The following RIPK2 variants were observed in gnomAD, a reference collection of about 807,000 sequenced individuals.
RIPK2 encodes the protein receptor interacting serine/threonine kinase 2.
Under a neutral mutation model 60.9 loss-of-function variants are expected in RIPK2, and 38 were observed. The observed-to-expected ratio is 0.62, with a 90% CI of 0.48 to 0.82. RIPK2 has a LOEUF of 0.82. Among genes scored for constraint, RIPK2 ranks in the 40% least tolerant of loss-of-function variants. The pLI is 0.00. For missense variants in RIPK2, 518 were observed against 647.0 expected (o/e 0.80, Z 2.16); for synonymous variants, 225 against 223.4 (o/e 1.01, Z -0.06).
At chr8:89,772,230 A>C (rs1809326165) in intron 5 of RIPK2, among the ~76,000 whole-genome samples, 2 of 152,044 alleles carry the variant, frequency 1.3e-5, no homozygotes, top group Admixed American at 1.3e-4. Context: ...TGTCCTTTTT[A>C]TTCCCTGAAA....
chr8:89,784,141 TAAA>T lies in RIPK2; in HGVS notation c.1029+23_1029+25del, dbSNP rs71268283. On this transcript the variant is annotated splice_donor_5th_base_variant and intron_variant, in intron 8 of 10. Transcript: ENST00000220751. ...CCTGTAAATCATGGTCCACAAGAGG[TAAA>T]AAAAAAAAAAAAAAAAAAAAGGTTA... 0.25 allele frequency: 139,092 copies of T among 546,772 alleles called. 7,113 individuals are homozygous for T. The highest frequency in any genetic ancestry group is 0.28 in the Non-Finnish European group (105,709 of 375,940). 33.9% of individuals were successfully genotyped at this position (546,772 alleles called of 1,614,324 possible). A position where few individuals can be genotyped will look rare whatever the true frequency, so the allele number is the denominator to read the frequency against.
At chr8:89,774,073 G>A (rs753189885) in intron 6 of RIPK2, among the ~76,000 whole-genome samples, 7 of 151,706 alleles carry the variant, frequency 4.6e-5, no homozygotes, top group Non-Finnish European at 8.8e-5. Flanking sequence ...TCCAACCTGG[G>A]CAACATAGCA....
chr8:89,758,204 C>A lies in RIPK2; in HGVS notation c.144C>A (p.His48Gln). 2 of 1,609,820 alleles carry A rather than the reference C, an allele frequency of 1.2e-6. No homozygotes were observed. The highest frequency in any genetic ancestry group is 2.2e-5 in the South Asian group (2 of 90,480). Residue 48 changes from histidine (H) to glutamine (Q), a missense_variant, in exon 1 of 11, where the codon CAC becomes CAA. Physicochemically the swap from His to Gln is conservative, Grantham distance 24. Around this residue, in one of 3 missense-constraint regions of RIPK2, gnomAD observed 448 missense variants for 534.7 expected, o/e 0.84. Transcript: ENST00000220751. ...GGCGCGTCCAGGTGGCCGTGAAGCA[C>A]CTGCACATCCACACTCCGCTGCTCG... ...ADWRVQVAVK[H>Q]LHIHTPLLDS...
chr8:89,758,055 G>C lies in RIPK2; in HGVS notation c.-6G>C. The C allele has an allele frequency of 4.4e-6, 7 of 1,588,508 alleles. No homozygotes were observed. The highest frequency in any genetic ancestry group is 6.0e-6 in the Non-Finnish European group (7 of 1,167,386). On this transcript the variant is annotated 5_prime_UTR_variant, in exon 1 of 11. Coordinates refer to ENST00000220751, the MANE Select transcript of RIPK2 (RefSeq NM_003821.6). ...ACACCCGGAACCGGCCTGAGCGCCC[G>C]GGACCATGAACGGGGAGGCCATCTG... is the stretch of plus-strand genomic sequence containing the variant.
intron 3 of RIPK2, 41 bp downstream of exon 3, chr8:89,765,537 T>C (rs777528184): frequency 1.2e-5 from 16 of 1,354,588 alleles, no homozygotes; most frequent in African/African-American, 1.5e-5. Context: ...CTTGTCCTTA[T>C]AGTTTTAAAA....
At chr8:89,774,564 A>G (rs1380165391) in intron 6 of RIPK2, among the ~76,000 whole-genome samples, 3 of 152,194 alleles carry the variant, frequency 2.0e-5, no homozygotes, top group Non-Finnish European at 1.5e-5. Flanking sequence ...ATGAAAACAT[A>G]TGTTCACACA....
At chr8:89,758,290 C>T in intron 1 of RIPK2, 57 bp downstream of exon 1, 1 of 1,494,488 alleles carries the variant, frequency 6.7e-7, no homozygotes. Flanking sequence ...CCCCTCAAGC[C>T]CCCTGACAAG....
intron 4 of RIPK2, 60 bp downstream of exon 4, chr8:89,769,989 C>G: frequency 7.5e-7 from 1 of 1,333,962 alleles, no homozygotes; most frequent in South Asian, 1.5e-5. Flanking sequence ...ATTAGTCAAC[C>G]AGAATTTTGA....
rs200835566 is a variant in RIPK2, at chr8:89,790,454, G to A, written c.*38G>A. The A allele has an allele frequency of 2.6e-5, 37 of 1,407,206 alleles. 1 individual carries two copies. In the South Asian group the frequency reaches 5.1e-4, roughly 19 times the overall value. 87.2% of individuals were successfully genotyped at this position (1,407,206 alleles called of 1,614,324 possible). A position where few individuals can be genotyped will look rare whatever the true frequency, so the allele number is the denominator to read the frequency against. On this transcript the variant is annotated 3_prime_UTR_variant, in exon 11 of 11. Coordinates refer to ENST00000220751, the MANE Select transcript of RIPK2 (RefSeq NM_003821.6). ...CAAGAAGAAATGTGTTTCATAAAAG[G>A]ATATTTATATCTCTGTTGCTTTGAC...
chr8:89,769,313 C>T (rs747690189), intron 3 of RIPK2, among the ~76,000 whole-genome samples: 6 of 151,762 alleles, frequency 4.0e-5, no homozygotes, highest in Non-Finnish European at 5.9e-5. Flanking sequence ...AGGATGCTAC[C>T]TTTAGGGCAT....
At chr8:89,782,322 T>C (rs1809514697) in intron 7 of RIPK2, among the ~76,000 whole-genome samples, 1 of 152,198 alleles carries the variant, frequency 6.6e-6, no homozygotes, top group African/African-American at 2.4e-5. Context: ...TTATGAATTG[T>C]TTATTTCTAG....
At chr8:89,761,199 C>T (rs1470522864) in intron 1 of RIPK2, among the ~76,000 whole-genome samples, 1 of 152,118 alleles carries the variant, frequency 6.6e-6, no homozygotes, top group Non-Finnish European at 1.5e-5. Context: ...TCTAGAATGT[C>T]TGTTGCTATT....
chr8:89,786,276 C>A (rs1369187193), intron 8 of RIPK2, among the ~76,000 whole-genome samples: 1 of 152,056 alleles, frequency 6.6e-6, no homozygotes, highest in African/African-American at 2.4e-5. Flanking sequence ...GAGTTTGAGA[C>A]CAGCCTGGGC....
intron 9 of RIPK2, 32 bp downstream of exon 9, chr8:89,786,718 C>G (rs1300185878): frequency 8.1e-7 from 1 of 1,229,918 alleles, no homozygotes; most frequent in Admixed American, 2.1e-5. Context: ...TATTTACTTG[C>G]AAGTTTTCCA....
chr8:89,780,901 T>G (rs778354321), intron 7 of RIPK2: 9 of 151,878 alleles, frequency 5.9e-5, no homozygotes, highest in Non-Finnish European at 1.2e-4. Flanking sequence ...CTCAGTCTGA[T>G]TCTTGTGGGT....
At chr8:89,789,120 T>C (rs1230197292) in intron 9 of RIPK2, among the ~76,000 whole-genome samples, 7 of 152,162 alleles carry the variant, frequency 4.6e-5, no homozygotes, top group Admixed American at 3.9e-4. Flanking sequence ...CTGACAGAAA[T>C]TGTAGTGAAA....
intron 8 of RIPK2, among the ~76,000 whole-genome samples, chr8:89,786,385 G>C (rs1384375459): frequency 2.0e-5 from 3 of 151,878 alleles, no homozygotes; most frequent in Non-Finnish European, 4.4e-5. Context: ...GAGATGGGAG[G>C]TTCACCTGAG....
intron 6 of RIPK2, among the ~76,000 whole-genome samples, chr8:89,774,545 C>A (rs529891666): frequency 1.3e-5 from 2 of 152,136 alleles, no homozygotes; most frequent in Non-Finnish European, 2.9e-5. Flanking sequence ...AACAGGTAAA[C>A]CAAGAGAAAT....
intron 6 of RIPK2, among the ~76,000 whole-genome samples, chr8:89,779,310 GTTTTTTT>G (rs55784154): frequency 3.8e-5 from 3 of 79,094 alleles, no homozygotes; most frequent in Admixed American, 1.9e-4. Context: ...CGGTTTTTGG[GTTTTTTT>G]TTTTTTTTTT....
Sources: allele counts gnomAD v4.1 joint callset (sites outside exome capture counted in the v4.1 genomes callset), GRCh38; gene constraint gnomAD v4.1.1; regional missense constraint gnomAD v4.1.1; transcripts MANE v1.5; gene names NCBI Gene and HGNC (gene_info 2026-07-23, HGNC 2026-07-21).